The following IMMP2L variants were observed in gnomAD, a reference collection of about 807,000 sequenced individuals.
IMMP2L encodes the protein mitochondrial inner membrane protease subunit 2.
In IMMP2L, 18 loss-of-function variants were observed where a neutral mutation model predicts 19.3. The observed-to-expected ratio is 0.93, with a 90% CI of 0.64 to 1.38. IMMP2L has a LOEUF of 1.38. Ranked by LOEUF, IMMP2L falls within the 40% of genes most tolerant of loss-of-function variation. The probability of loss-of-function intolerance (pLI) is 0.00; values close to 1 mark genes in which losing one functional copy is unlikely to be tolerated. For synonymous variants in IMMP2L, 76 were observed against 73.0 expected (o/e 1.04, Z -0.21); for missense variants, 233 against 218.2 (o/e 1.07, Z -0.43).
intron 5 of IMMP2L, among the ~76,000 whole-genome samples, chr7:110,816,894 C>A (rs1265979943): frequency 6.6e-6 from 1 of 152,108 alleles, no homozygotes; most frequent in East Asian, 1.9e-4. Context: ...GAATATACGA[C>A]ACTGATGGGT....
intron 3 of IMMP2L, among the ~76,000 whole-genome samples, chr7:111,380,839 T>C (rs1445787797): frequency 6.6e-6 from 1 of 152,002 alleles, no homozygotes; most frequent in Non-Finnish European, 1.5e-5. Context: ...AGGCATAAAC[T>C]GCTAACCTTA....
At chr7:111,072,008 A>T (rs527299481) in intron 3 of IMMP2L, among the ~76,000 whole-genome samples, 3 of 152,312 alleles carry the variant, frequency 2.0e-5, no homozygotes, top group African/African-American at 7.2e-5. Context: ...AAAATGTTAA[A>T]AGGAAATATT....
chr7:110,985,689 AATACTGAAGTTCTT>A (rs1183883924), intron 3 of IMMP2L, among the ~76,000 whole-genome samples: 1 of 152,176 alleles, frequency 6.6e-6, no homozygotes, highest in African/African-American at 2.4e-5. Context: ...ACAACATGAA[AATACTGAAGTTCTT>A]CAGTTTTCCC....
intron 2 of IMMP2L, among the ~76,000 whole-genome samples, chr7:111,503,418 T>C (rs912003783): frequency 1.3e-5 from 2 of 152,128 alleles, no homozygotes; most frequent in African/African-American, 4.8e-5. Flanking sequence ...CCATTCCTTC[T>C]GAAACTATTC....
In IMMP2L at chr7:110,760,263, GT is replaced by G. The variant is rs1798273152; in HGVS notation, c.409-96543del. On this transcript the variant is annotated intron_variant, in intron 5 of 5. Transcript: ENST00000405709. This position sits in a 1 kb window ranked among gnomAD's most constrained non-coding sequence, Gnocchi z 4.2. ...TATCTGCATCTGCCTTAGAGAAGTT[GT>G]TTACATCCAATATTGGACTACCCTT... 6.6e-6 allele frequency among the ~76,000 whole-genome samples: 1 copy of G among 152,048 alleles called. No individual in the cohort carries two copies. The highest frequency in any genetic ancestry group is 6.6e-5 in the Admixed American group (1 of 15,236).
chr7:111,047,845 T>C (rs918003774), intron 3 of IMMP2L, among the ~76,000 whole-genome samples: 1 of 152,148 alleles, frequency 6.6e-6, no homozygotes. Flanking sequence ...TACATGTGCA[T>C]TGTACTCAGC....
At chr7:111,494,048 C>A (rs1001777635) in intron 2 of IMMP2L, among the ~76,000 whole-genome samples, 1 of 151,984 alleles carries the variant, frequency 6.6e-6, no homozygotes, top group Non-Finnish European at 1.5e-5. Flanking sequence ...TGAAGTTAAA[C>A]ACATCAAGTA....
At chr7:111,288,844 G>C (rs1331160127) in intron 3 of IMMP2L, among the ~76,000 whole-genome samples, 1 of 152,148 alleles carries the variant, frequency 6.6e-6, no homozygotes, top group East Asian at 1.9e-4. Context: ...TTCAACTATT[G>C]TGGAACACAG....
intron 3 of IMMP2L, among the ~76,000 whole-genome samples, chr7:111,135,090 T>A (rs1220759266): frequency 2.6e-5 from 4 of 152,148 alleles, no homozygotes. Flanking sequence ...AGGTAGAACA[T>A]GTAAGTAATT....
At chr7:111,289,122 C>A (rs974970819) in intron 3 of IMMP2L, among the ~76,000 whole-genome samples, 2 of 152,006 alleles carry the variant, frequency 1.3e-5, no homozygotes, top group South Asian at 4.2e-4. Flanking sequence ...TTTGCAAGGA[C>A]ATGGATGACA....
intron 3 of IMMP2L, among the ~76,000 whole-genome samples, chr7:111,351,237 C>G (rs1828118827): frequency 6.6e-6 from 1 of 152,186 alleles, no homozygotes; most frequent in Non-Finnish European, 1.5e-5. Context: ...GTCACCCAGG[C>G]TGGAGTGCAG....
At chr7:111,391,841 T>C in intron 3 of IMMP2L, 1 of 702,368 alleles carries the variant, frequency 1.4e-6, no homozygotes, top group Non-Finnish European at 2.6e-6. Context: ...ACCATACCTC[T>C]CTTTCAGTTG....
chr7:111,358,095 G>C (rs1354125093), intron 3 of IMMP2L, among the ~76,000 whole-genome samples: 2 of 150,426 alleles, frequency 1.3e-5, no homozygotes. Context: ...ATAATCATTT[G>C]GCTTGTTTTT....
chr7:110,984,704 G>A (rs1821673540), intron 3 of IMMP2L, among the ~76,000 whole-genome samples: 1 of 151,822 alleles, frequency 6.6e-6, no homozygotes, highest in African/African-American at 2.4e-5. Context: ...TCTTAGTCGG[G>A]GCTTAACCTA....
chr7:111,160,371 TTAGAG>T (rs1805119998), intron 3 of IMMP2L, among the ~76,000 whole-genome samples: 2 of 152,052 alleles, frequency 1.3e-5, no homozygotes, highest in African/African-American at 2.4e-5. Flanking sequence ...TTTATACATA[TTAGAG>T]TAGTCTACTG....
chr7:110,886,754 C>A (rs1810264499), intron 4 of IMMP2L, 59 bp from the exon 5 acceptor site: 1 of 786,412 alleles, frequency 1.3e-6, no homozygotes, highest in Non-Finnish European at 2.2e-6. Context: ...AACTGCTGGG[C>A]ATACAAACTT....
chr7:111,216,756 C>T (rs1168650523), intron 3 of IMMP2L, among the ~76,000 whole-genome samples: 1 of 152,024 alleles, frequency 6.6e-6, no homozygotes. Flanking sequence ...ATATGAGGCA[C>T]TAACAAATGC....
chr7:111,073,885 ATGT>A (rs1795167303), intron 3 of IMMP2L, among the ~76,000 whole-genome samples: 1 of 152,124 alleles, frequency 6.6e-6, no homozygotes, highest in Non-Finnish European at 1.5e-5. Context: ...AATTTGAGAA[ATGT>A]TGTATTTGGG....
chr7:111,114,837 T>G lies in IMMP2L; in HGVS notation c.240-151272A>C, dbSNP rs944060795. ...TACAAAAATTATATAATAATAGAAT[T>G]TGAAGGTGATTTTTATTTTAGAAAT... On this transcript the variant is annotated intron_variant, in intron 3 of 5. Transcript: ENST00000405709. 1.2e-4 allele frequency among the ~76,000 whole-genome samples: 18 copies of G among 152,162 alleles called. 1 individual carries two copies. The East Asian group carries it at 2.1e-3, about 18-fold the overall frequency.
Sources: allele counts gnomAD v4.1 joint callset (sites outside exome capture counted in the v4.1 genomes callset), GRCh38; gene constraint gnomAD v4.1.1; non-coding constraint Gnocchi (gnomAD v3.1); transcripts MANE v1.5; gene names NCBI Gene and HGNC (gene_info 2026-07-23, HGNC 2026-07-21).